TMPRSS11A: variants seen among roughly 807,000 people sequenced by gnomAD.
TMPRSS11A encodes the protein transmembrane protease serine 11A.
In TMPRSS11A, 53 loss-of-function variants were observed where a neutral mutation model predicts 58.9. That is an observed-to-expected ratio of 0.90 (90% CI 0.72 to 1.13). TMPRSS11A has a LOEUF of 1.13. Among genes scored for constraint, TMPRSS11A ranks in the 50% most tolerant of loss-of-function variants. The pLI is 0.00. For synonymous variants in TMPRSS11A, 167 were observed against 169.8 expected (o/e 0.98, Z 0.13); for missense variants, 493 against 499.3 (o/e 0.99, Z 0.12).
intron 2 of TMPRSS11A, 101 bp downstream of exon 2, chr4:67,946,349 T>C (rs971793349): frequency 4.0e-6 from 5 of 1,254,196 alleles, no homozygotes; most frequent in Non-Finnish European, 4.3e-6. Context: ...AATTTGAAGG[T>C]AAATGTGCAA....
rs183895998 is a variant in TMPRSS11A, at chr4:67,949,837, C to A, written c.12-3266G>T. Among the ~76,000 whole-genome samples, 12 of 152,146 alleles carry A rather than the reference C, an allele frequency of 7.9e-5. No homozygotes were observed. In the East Asian group the frequency reaches 2.1e-3, roughly 27 times the overall value. On this transcript the variant is annotated intron_variant, in intron 1 of 9. Coordinates refer to ENST00000508048, the MANE Select transcript of TMPRSS11A (RefSeq NM_001114387.2). ...TGGCGCCACTGCACTCCAGCCTGGGCGACTGGGAGACTCCATCTCAAAAAA... is the reference window on the plus strand; with the variant it reads ...TGGCGCCACTGCACTCCAGCCTGGGAGACTGGGAGACTCCATCTCAAAAAA...
intron 7 of TMPRSS11A, among the ~76,000 whole-genome samples, chr4:67,919,675 A>G: frequency 6.6e-6 from 1 of 152,228 alleles, no homozygotes. Context: ...GGCTATGAAC[A>G]AAATAAAATA....
chr4:67,939,447 C>A (rs1720828510), intron 3 of TMPRSS11A, among the ~76,000 whole-genome samples: 1 of 152,122 alleles, frequency 6.6e-6, no homozygotes, highest in African/African-American at 2.4e-5. Flanking sequence ...ACTTCTAGTA[C>A]TATGTTGAAT....
At chr4:67,924,187 AATAGTG>A in intron 5 of TMPRSS11A, 21 bp from the exon 6 acceptor site, 2 of 1,608,922 alleles carry the variant, frequency 1.2e-6, no homozygotes, top group Non-Finnish European at 1.7e-6. Flanking sequence ...AGATAAAACA[AATAGTG>A]ATAATTTGAT....
At chr4:67,947,481 T>G (rs973446892) in intron 1 of TMPRSS11A, among the ~76,000 whole-genome samples, 2 of 152,228 alleles carry the variant, frequency 1.3e-5, no homozygotes, top group African/African-American at 4.8e-5. Context: ...TCTGAATGCT[T>G]TCCTGTGGTA....
At chr4:67,937,068 G>A (rs353177) in intron 3 of TMPRSS11A, among the ~76,000 whole-genome samples, 122,383 of 152,112 alleles carry the variant, frequency 0.8, 49,652 homozygotes, top group African/African-American at 0.88. Context: ...TTAGCCTTTT[G>A]TAGTGCCTAA....
At chr4:67,948,147 C>CTTTTTTTTTTTTTTTTTTTTTTTT (rs10577639) in intron 1 of TMPRSS11A, among the ~76,000 whole-genome samples, 1 of 98,302 alleles carries the variant, frequency 1.0e-5, no homozygotes, top group Non-Finnish European at 2.0e-5. Context: ...CAGTTTTTTT[C>CTTTTTTTTTTTTTTTTTTTTTTTT]TTTTTTTTTT....
intron 6 of TMPRSS11A, 43 bp from the exon 7 acceptor site, chr4:67,922,969 A>T (rs1296960584): frequency 2.5e-6 from 4 of 1,592,348 alleles, no homozygotes; most frequent in Middle Eastern, 1.7e-4. Flanking sequence ...AACATCTTGT[A>T]ATTACAGGAA....
chr4:67,928,947 AG>A (rs1172996049), intron 5 of TMPRSS11A, among the ~76,000 whole-genome samples: 1 of 152,244 alleles, frequency 6.6e-6, no homozygotes, highest in Non-Finnish European at 1.5e-5. Context: ...TTAGCGGACG[AG>A]GGTAAACAAG....
At position 67,922,824 on chromosome 4, in the gene TMPRSS11A, T is replaced by C. The variant is rs1469952827; in HGVS notation, c.623A>G (p.Asn208Ser). The C allele has an allele frequency of 6.2e-7, 1 of 1,614,174 alleles. No homozygotes were observed. Among genetic ancestry groups the C allele is most frequent in the Non-Finnish European group, 8.5e-7 (1 of 1,180,012 alleles). ...CAAGGTGGCCCCACACTGATGGATG[T>C]TATCATACTGAAGGGAAGCTTGCCA... ...WPWQASLQYDNIHQCGATLIS... is the reference protein window; with the variant it reads ...WPWQASLQYDSIHQCGATLIS... The change falls in exon 7 of 10, where the codon AAC becomes AGC. Residue 208 changes from asparagine (N) to serine (S), a missense_variant. By Grantham distance (46) the Asn-to-Ser change is conservative. Transcript: ENST00000508048.
Position 67,912,309 on chromosome 4 carries a change from C to CAT in TMPRSS11A, c.1096-807_1096-806insAT, listed in dbSNP as rs1553921515. ...ACACACACACACACACACACACATA[C>CAT]ACACATACACATACACATACACACA... On this transcript the variant is annotated intron_variant, in intron 9 of 9. Transcript: ENST00000508048. 6.4e-4 allele frequency among the ~76,000 whole-genome samples: 97 copies of CAT among 152,078 alleles called. 1 individual carries two copies. Among genetic ancestry groups the CAT allele is most frequent in the East Asian group, 3.9e-4 (2 of 5,180 alleles).
At chr4:67,951,611 T>G (rs1721165502) in intron 1 of TMPRSS11A, among the ~76,000 whole-genome samples, 1 of 151,810 alleles carries the variant, frequency 6.6e-6, no homozygotes, top group South Asian at 2.1e-4. Context: ...TGCTTTCTTG[T>G]ACATATATAT....
intron 3 of TMPRSS11A, among the ~76,000 whole-genome samples, chr4:67,939,591 C>T (rs985835808): frequency 2.6e-5 from 4 of 152,004 alleles, no homozygotes; most frequent in South Asian, 2.1e-4. Flanking sequence ...TATGTTTCTT[C>T]GATGCCTAGT....
intron 7 of TMPRSS11A, among the ~76,000 whole-genome samples, chr4:67,919,902 TG>T (rs1720275335): frequency 6.6e-6 from 1 of 152,122 alleles, no homozygotes; most frequent in Admixed American, 6.6e-5. Flanking sequence ...GATTTTAGAG[TG>T]TTTTATAGGT....
At chr4:67,949,062 G>A (rs1721094444) in intron 1 of TMPRSS11A, among the ~76,000 whole-genome samples, 1 of 151,692 alleles carries the variant, frequency 6.6e-6, no homozygotes, top group South Asian at 2.1e-4. Context: ...TCTTATCAAT[G>A]TGTCTTCAAG....
chr4:67,918,827 A>C (rs1487462797), intron 8 of TMPRSS11A, 146 bp downstream of exon 8: 41 of 958,640 alleles, frequency 4.3e-5, no homozygotes, highest in Non-Finnish European at 5.1e-5. Flanking sequence ...GGTTAATGTG[A>C]ATTGAATTTC....
At chr4:67,951,866 G>C (rs1721169893) in intron 1 of TMPRSS11A, among the ~76,000 whole-genome samples, 1 of 152,096 alleles carries the variant, frequency 6.6e-6, no homozygotes, top group African/African-American at 2.4e-5. Flanking sequence ...CCTTTTCCTA[G>C]CCTAGGACCT....
chr4:67,911,346 A>G lies in TMPRSS11A; in HGVS notation c.1253T>C (p.Ile418Thr), dbSNP rs750435881. 5 of 1,612,830 alleles carry G rather than the reference A, an allele frequency of 3.1e-6. No individual in the cohort carries two copies. In the East Asian group the frequency reaches 1.1e-4, roughly 36 times the overall value. ...YRNWIASKTGI is the reference protein window; with the variant it reads ...YRNWIASKTGT ...TTGTTTAACTTTTATCGTGAATTAG[A>G]TGCCTGTTTTTGAAGCAATCCAGTT... The change falls in exon 10 of 10, where the codon ATC becomes ACC. Residue 418 changes from isoleucine to threonine, a missense_variant. Coordinates refer to ENST00000508048, the MANE Select transcript of TMPRSS11A (RefSeq NM_001114387.2).
chr4:67,939,230 G>C (rs958875175), intron 3 of TMPRSS11A, among the ~76,000 whole-genome samples: 25 of 152,018 alleles, frequency 1.6e-4, no homozygotes, highest in African/African-American at 6.0e-4. Flanking sequence ...GGACATTATT[G>C]TTTAGAAATG....
Sources: gnomAD v4.1 joint callset for allele counts (sites outside exome capture counted in the v4.1 genomes callset) on GRCh38, gnomAD v4.1.1 for gene constraint, MANE v1.5 for transcripts, NCBI Gene and HGNC (gene_info 2026-07-23, HGNC 2026-07-21) for gene names.